Variants in EPHX3 observed in about 807,000 individuals in gnomAD.
The protein encoded by EPHX3 is epoxide hydrolase 3.
In EPHX3, 39 loss-of-function variants were observed where a neutral mutation model predicts 40.2. That is an observed-to-expected ratio of 0.97 (90% CI 0.75 to 1.27). The LOEUF is 1.27. Among genes scored for constraint, EPHX3 ranks in the 50% most tolerant of loss-of-function variants. The pLI is 0.00. For synonymous variants in EPHX3, 213 were observed against 209.7 expected (o/e 1.02, Z -0.14); for missense variants, 442 against 474.0 (o/e 0.93, Z 0.63).
rs778802716 is a variant in EPHX3 at position 15,227,676 on chromosome 19, A to G, written c.858-14T>C. The stretch of plus-strand genomic sequence containing the variant: ...AGGGGGAAGTTCCTGTGGCCAGGAC[A>G]GACAGACAGGCAGACAGACAGGCAG... On this transcript the variant is annotated splice_polypyrimidine_tract_variant and intron_variant, in intron 6 of 6. Transcript: ENST00000221730. 6.2e-7 allele frequency: 1 copy of G among 1,611,988 alleles called. No individual in the cohort carries two copies. Among genetic ancestry groups the G allele is most frequent in the South Asian group, 1.1e-5 (1 of 90,292 alleles).
chr19:15,228,766 G>A (rs150918446), intron 4 of EPHX3, among the ~76,000 whole-genome samples: 2,248 of 151,696 alleles, frequency 0.015, 23 homozygotes, highest in Non-Finnish European at 0.021. Context: ...TGATCCACCC[G>A]CCTCAGCCTC....
At chr19:15,235,775 C>A (rs1234123803), upstream of EPHX3, 3 of 152,126 alleles carry the variant, frequency 2.0e-5, no homozygotes, top group East Asian at 5.8e-4. Context: ...TGGGAAATGG[C>A]TGGAGAAATT....
At position 15,227,532 on chromosome 19, in the gene EPHX3, G is replaced by T; in HGVS notation, c.988C>A (p.His330Asn). 6.2e-7 allele frequency: 1 copy of T among 1,614,120 alleles called. No individual in the cohort carries two copies. Among genetic ancestry groups the T allele is most frequent in the Non-Finnish European group, 8.5e-7 (1 of 1,180,044 alleles). Residue 330 changes from histidine (H) to asparagine (N), a missense_variant, in exon 7 of 7, where the codon CAC (histidine) becomes AAC (asparagine). His to Asn is a moderately conservative substitution (Grantham distance 68). Coordinates refer to ENST00000221730, the MANE Select transcript of EPHX3 (RefSeq NM_024794.3). ...CAATGCCCTATGCCTGGCAGGATGT[G>T]GGCCTCCAAGCGGCCCGGCACAAAG... ...SRFVPGRLEA[H>N]ILPGIGHWIP...
chr19:15,227,416 T>C lies in EPHX3; in HGVS notation c.*21A>G. ...TTCCTTCCTGAGTATCCATGCCTCC[T>C]GGGCAGGCCAGCAAGGACCACTAGT... On this transcript the variant is annotated 3_prime_UTR_variant, in exon 7 of 7. Coordinates refer to ENST00000221730, the MANE Select transcript of EPHX3 (RefSeq NM_024794.3). 6.2e-7 allele frequency: 1 copy of C among 1,601,628 alleles called. No individual in the cohort carries two copies. Among genetic ancestry groups the C allele is most frequent in the Non-Finnish European group, 8.6e-7 (1 of 1,168,890 alleles).
chr19:15,234,173 C>CT (rs1021565929), upstream of EPHX3, among the ~76,000 whole-genome samples: 1 of 152,060 alleles, frequency 6.6e-6, no homozygotes, highest in African/African-American at 2.4e-5. Flanking sequence ...CCTATTAAGT[C>CT]TAAGTAGCAT....
Position 15,231,766 on chromosome 19 carries a change from C to T in EPHX3, c.329+10G>A, listed in dbSNP as rs758663881. 67 of 1,613,738 alleles carry T rather than the reference C, an allele frequency of 4.2e-5. No homozygotes were observed. The highest frequency in any genetic ancestry group is 5.7e-5 in the Non-Finnish European group (67 of 1,179,980). ...TCCCGTGGGCCTCAGGCCCCTGGCCCCAGACGTACCAGTTCTCAGGGAAGC... is the reference window on the plus strand; with the variant it reads ...TCCCGTGGGCCTCAGGCCCCTGGCCTCAGACGTACCAGTTCTCAGGGAAGC... On this transcript the variant is annotated intron_variant, in intron 2 of 6. Coordinates refer to ENST00000221730, the MANE Select transcript of EPHX3 (RefSeq NM_024794.3).
intron 4 of EPHX3, among the ~76,000 whole-genome samples, chr19:15,229,943 AAGAG>A (rs374160695): frequency 6.7e-5 from 10 of 149,278 alleles, no homozygotes; most frequent in South Asian, 4.2e-4. Flanking sequence ...AAAACAACAA[AAGAG>A]AGAGAGAGAG....
intron 3 of EPHX3, 45 bp downstream of exon 3, chr19:15,231,194 T>C (rs1489887178): frequency 6.2e-7 from 1 of 1,613,102 alleles, no homozygotes. Context: ...TATGCGTGTG[T>C]GCAGGATGAG....
intron 4 of EPHX3, among the ~76,000 whole-genome samples, chr19:15,228,597 C>A (rs536204725): frequency 4.2e-5 from 6 of 142,966 alleles, no homozygotes; most frequent in African/African-American, 1.6e-4. Flanking sequence ...TGGCTCACTG[C>A]GAGCTCCGCC....
At position 15,231,358 on chromosome 19, in the gene EPHX3, C is replaced by A. The variant is rs563425133; in HGVS notation, c.368G>T (p.Arg123Leu). The A allele has an allele frequency of 3.1e-6, 5 of 1,613,772 alleles. No individual in the cohort carries two copies. The highest frequency in any genetic ancestry group is 1.7e-5 in the Admixed American group (1 of 60,000). ...CAAGTCCACAGCCACAACATGGAAG[C>A]GGCTCTGGAACTCCCGGAGCTGGTA... The part of the protein sequence containing the change: ...WRYQLREFQS[R>L]FHVVAVDLRG... Residue 123 changes from arginine to leucine, a missense_variant, in exon 3 of 7, where the codon CGC becomes CTC. Physicochemically the swap from Arg to Leu is moderately radical, Grantham distance 102. Coordinates refer to ENST00000221730, the MANE Select transcript of EPHX3 (RefSeq NM_024794.3).
chr19:15,233,352 C>T (rs1475339690), upstream of EPHX3: 1 of 152,338 alleles, frequency 6.6e-6, no homozygotes. Flanking sequence ...TGCTACCCAC[C>T]CAGGGGCGCG....
upstream of EPHX3, among the ~76,000 whole-genome samples, chr19:15,233,830 C>T (rs1306189233): frequency 6.6e-6 from 1 of 151,996 alleles, no homozygotes; most frequent in Non-Finnish European, 1.5e-5. Context: ...TTTGGGAGGC[C>T]GAGGCGGGCG....
chr19:15,234,026 C>T (rs1473766269), upstream of EPHX3, among the ~76,000 whole-genome samples: 1 of 151,082 alleles, frequency 6.6e-6, no homozygotes, highest in Non-Finnish European at 1.5e-5. Flanking sequence ...CGCCACTGCA[C>T]TCCAGCCAGG....
rs766682223 is a variant in EPHX3 at position 15,232,086 on chromosome 19, T to TA, written c.125dup (p.Ala43SerfsTer32). The TA allele has an allele frequency of 5.8e-6, 9 of 1,561,854 alleles. No homozygotes were observed. The highest frequency in any genetic ancestry group is 7.8e-6 in the Non-Finnish European group (9 of 1,160,840). On this transcript the variant is annotated frameshift_variant, in exon 1 of 7. Transcript: ENST00000221730. LOFTEE classifies it high-confidence loss of function. ...GCCGGCACAGCACGTGCGTGAGCGC[T>TA]ATGCAGCCGTAGACCGCCGCGGCCA...
At chr19:15,229,907 A>AAAAAAGAAAAG (rs1203339827) in intron 4 of EPHX3, among the ~76,000 whole-genome samples, 1 of 140,184 alleles carries the variant, frequency 7.1e-6, no homozygotes, top group African/African-American at 2.7e-5. Context: ...AAAAAAAAAA[A>AAAAAAGAAAAG]AAAAGAAAAG....
chr19:15,235,370 C>T (rs1238538563), upstream of EPHX3: 1 of 152,008 alleles, frequency 6.6e-6, no homozygotes, highest in Non-Finnish European at 1.5e-5. Context: ...CAGGATCTCT[C>T]CCAACCGACT....
intron 4 of EPHX3, among the ~76,000 whole-genome samples, chr19:15,230,368 A>G (rs962780347): frequency 6.6e-6 from 1 of 151,660 alleles, no homozygotes; most frequent in African/African-American, 2.4e-5. Context: ...ACGGGGTTTC[A>G]CCATGTTGGC....
Position 15,232,246 on chromosome 19 carries a change from G to A in EPHX3, c.-35C>T, listed in dbSNP as rs1311185542. ...CTCCGGGACCACGGCGGCGCTGCCGGCCAGGGGCACCTGCAGCAGCGGCGA... is the reference window on the plus strand; with the variant it reads ...CTCCGGGACCACGGCGGCGCTGCCGACCAGGGGCACCTGCAGCAGCGGCGA... On this transcript the variant is annotated 5_prime_UTR_variant, in exon 1 of 7. Coordinates refer to ENST00000221730, the MANE Select transcript of EPHX3 (RefSeq NM_024794.3). The A allele has an allele frequency of 7.6e-6, 11 of 1,452,678 alleles. No individual in the cohort carries two copies. The highest frequency in any genetic ancestry group is 9.9e-6 in the Non-Finnish European group (11 of 1,114,936). The allele number at this position is 1,452,678 out of a possible 1,614,324, so 90.0% of individuals were successfully genotyped here. A position where few individuals can be genotyped will look rare whatever the true frequency, so the allele number is the denominator to read the frequency against.
In EPHX3 at chr19:15,232,314, C is replaced by A; in HGVS notation, c.-103G>T. 7.2e-7 allele frequency: 1 copy of A among 1,381,932 alleles called. No homozygotes were observed. The highest frequency in any genetic ancestry group is 9.3e-7 in the Non-Finnish European group (1 of 1,078,456). The allele number at this position is 1,381,932 out of a possible 1,614,324, so 85.6% of individuals were successfully genotyped here. On this transcript the variant is annotated 5_prime_UTR_variant, in exon 1 of 7. Coordinates refer to ENST00000221730, the MANE Select transcript of EPHX3 (RefSeq NM_024794.3). ...GGGGCCCATCGCCCTTGGCCTGGGG[C>A]CCCTCCGTGCCGTCGGGATTTGTGG...
Sources: gnomAD v4.1 joint callset for allele counts (sites outside exome capture counted in the v4.1 genomes callset) on GRCh38, gnomAD v4.1.1 for gene constraint, MANE v1.5 for transcripts, NCBI Gene and HGNC (gene_info 2026-07-23, HGNC 2026-07-21) for gene names.